NCOA2: variants seen among roughly 807,000 people sequenced by gnomAD.
NCOA2 encodes the protein nuclear receptor coactivator 2, also known as class E basic helix-loop-helix protein 75.
NCOA2 carries 21 observed loss-of-function variants against 145.1 expected under a neutral mutation model. The ratio of observed to expected loss-of-function variants is 0.14; its 90% confidence interval spans 0.10 to 0.21. NCOA2 has a LOEUF of 0.21. Among genes scored for constraint, NCOA2 ranks in the 10% least tolerant of loss-of-function variants. The probability of loss-of-function intolerance (pLI) is 1.00; values close to 1 mark genes in which losing one functional copy is unlikely to be tolerated. For missense variants in NCOA2, 1,472 were observed against 1,837.6 expected (o/e 0.80, Z 3.64); for synonymous variants, 619 against 637.5 (o/e 0.97, Z 0.44).
At chr8:70,348,061 C>T (rs959857917) in intron 1 of NCOA2, among the ~76,000 whole-genome samples, 1 of 152,160 alleles carries the variant, frequency 6.6e-6, no homozygotes, top group African/African-American at 2.4e-5. Context: ...AGTTCCTACC[C>T]CCCAGGGGCT....
At chr8:70,414,390 C>T in the NCOA2 span, among the ~76,000 whole-genome samples, 4 of 152,092 alleles carry the variant, frequency 2.6e-5, no homozygotes, top group Non-Finnish European at 5.9e-5. Context: ...ATCACCATTG[C>T]CTCATATGTG....
At chr8:70,264,207 C>T (rs1360422898) in intron 2 of NCOA2, among the ~76,000 whole-genome samples, 3 of 149,452 alleles carry the variant, frequency 2.0e-5, no homozygotes, top group East Asian at 2.0e-4. Flanking sequence ...AAGAGTGAAA[C>T]TCTGTCTCAA....
At chr8:70,316,210 G>A (rs935800774) in intron 1 of NCOA2, among the ~76,000 whole-genome samples, 8 of 152,154 alleles carry the variant, frequency 5.3e-5, no homozygotes, top group African/African-American at 1.2e-4. Flanking sequence ...TAAGAGTCTC[G>A]TTTCCTCTCG....
chr8:70,330,243 G>T (rs1009193187), intron 1 of NCOA2, among the ~76,000 whole-genome samples: 10 of 150,596 alleles, frequency 6.6e-5, no homozygotes, highest in South Asian at 2.1e-4. Context: ...TGATGATCTG[G>T]TTTCTTATTT....
At chr8:70,287,484 C>G (rs946149589) in intron 2 of NCOA2, among the ~76,000 whole-genome samples, 2 of 152,062 alleles carry the variant, frequency 1.3e-5, no homozygotes, top group African/African-American at 4.8e-5. Flanking sequence ...TTCTAAATTA[C>G]TTTTTAAGAA....
the NCOA2 span, among the ~76,000 whole-genome samples, chr8:70,428,072 A>G: frequency 1.3e-5 from 2 of 152,306 alleles, no homozygotes; most frequent in East Asian, 1.9e-4. Context: ...TGACATACAA[A>G]TAAGGAAAAA....
At chr8:70,140,961 T>G (rs1464513204) in intron 14 of NCOA2, among the ~76,000 whole-genome samples, 2 of 152,132 alleles carry the variant, frequency 1.3e-5, no homozygotes, top group African/African-American at 4.8e-5. Flanking sequence ...TTAGGTAATT[T>G]AGTAAAAATA....
intron 1 of NCOA2, among the ~76,000 whole-genome samples, chr8:70,344,376 T>C (rs538612583): frequency 6.6e-6 from 1 of 152,352 alleles, no homozygotes; most frequent in African/African-American, 2.4e-5. Flanking sequence ...CACAGAGCTA[T>C]AACAGCAAGC....
intron 1 of NCOA2, among the ~76,000 whole-genome samples, chr8:70,391,939 G>A (rs1342296118): frequency 6.6e-6 from 1 of 152,172 alleles, no homozygotes. Context: ...TTAAGACAAT[G>A]CACTTTATGG....
chr8:70,171,146 T>G (rs1814208284), intron 5 of NCOA2, among the ~76,000 whole-genome samples: 1 of 152,224 alleles, frequency 6.6e-6, no homozygotes, highest in African/African-American at 2.4e-5. Context: ...ACAGCCTCAC[T>G]TTTTGTTGTC....
Position 70,131,845 on chromosome 8 carries a change from C to T in NCOA2, c.3316G>A (p.Val1106Ile), listed in dbSNP as rs746649213. 1 of 1,590,036 alleles carries T rather than the reference C, an allele frequency of 6.3e-7. No homozygotes were observed. Residue 1106 changes from valine (V) to isoleucine (I), a missense_variant, in exon 16 of 23, where the codon GTC (valine) becomes ATC (isoleucine). By Grantham distance (29) the Val-to-Ile change is conservative. Around this residue, in one of 4 missense-constraint regions of NCOA2, gnomAD observed 953 missense variants for 1,062.1 expected, o/e 0.90. Coordinates refer to ENST00000452400, the MANE Select transcript of NCOA2 (RefSeq NM_006540.4). Reference sequence around the variant, plus strand: ...TGCCCTTCCGCGCATACCTGGCTGACCAGTTCGGGTATTCCTAAGGCTCTA... The same window carrying T: ...TGCCCTTCCGCGCATACCTGGCTGATCAGTTCGGGTATTCCTAAGGCTCTA... ...IDRALGIPEL[V>I]SQSQAVDPEQ...
At chr8:70,424,576 A>C in the NCOA2 span, 3 of 505,060 alleles carry the variant, frequency 5.9e-6, no homozygotes, top group Non-Finnish European at 1.2e-5. Context: ...ACAAGAGATA[A>C]GGCAGCAGCA....
chr8:70,453,250 C>T, the NCOA2 span, among the ~76,000 whole-genome samples: 1 of 152,172 alleles, frequency 6.6e-6, no homozygotes, highest in Non-Finnish European at 1.5e-5. Context: ...TCTACCTTCC[C>T]CTTACCCTGG....
chr8:70,240,746 A>C (rs1283935761), intron 2 of NCOA2, among the ~76,000 whole-genome samples: 1 of 152,198 alleles, frequency 6.6e-6, no homozygotes, highest in Non-Finnish European at 1.5e-5. Context: ...ACAGAAATAC[A>C]CATAAGGTTA....
Position 70,313,523 on chromosome 8 carries a change from G to C in NCOA2, c.-76-16723C>G, listed in dbSNP as rs181354265. On this transcript the variant is annotated intron_variant, in intron 1 of 22. Coordinates refer to ENST00000452400, the MANE Select transcript of NCOA2 (RefSeq NM_006540.4). ...TAGTGGTAACTCGGGAAGCTGAAAA[G>C]AGTTATTTTGAGAAAATAAGAAATT... Among the ~76,000 whole-genome samples the C allele has an allele frequency of 3.9e-5, 6 of 152,172 alleles. No homozygotes were observed. The East Asian group carries it at 9.7e-4, about 25-fold the overall frequency.
chr8:70,229,077 G>C (rs1820912601), intron 2 of NCOA2, among the ~76,000 whole-genome samples: 1 of 152,076 alleles, frequency 6.6e-6, no homozygotes, highest in African/African-American at 2.4e-5. Context: ...TGTTATATAT[G>C]GTTAAGTTTC....
At chr8:70,125,290 C>T (rs1207925405) in intron 19 of NCOA2, among the ~76,000 whole-genome samples, 1 of 152,122 alleles carries the variant, frequency 6.6e-6, no homozygotes, top group African/African-American at 2.4e-5. Context: ...TAGGGTCTTG[C>T]TTGCTCTGTT....
chr8:70,452,167 G>A, the NCOA2 span, among the ~76,000 whole-genome samples: 2 of 152,134 alleles, frequency 1.3e-5, no homozygotes, highest in Non-Finnish European at 2.9e-5. Context: ...GTAGACATGG[G>A]GTTTCACCAT....
rs183952889 is a variant in NCOA2, at chr8:70,277,000, T to G, written c.-20+19744A>C. On this transcript the variant is annotated intron_variant, in intron 2 of 22. Coordinates refer to ENST00000452400, the MANE Select transcript of NCOA2 (RefSeq NM_006540.4). ...GTAAGTATACTAAAGCACAAATACT[T>G]TCTCTTAAAAAACAATTTCTAAGAC... 1.1e-3 allele frequency among the ~76,000 whole-genome samples: 167 copies of G among 152,340 alleles called. 1 individual carries two copies. The highest frequency in any genetic ancestry group is 3.8e-3 in the African/African-American group (160 of 41,590).
Sources: gnomAD v4.1 joint callset for allele counts (sites outside exome capture counted in the v4.1 genomes callset) on GRCh38, gnomAD v4.1.1 for gene constraint, gnomAD v4.1.1 regional missense constraint, MANE v1.5 for transcripts, NCBI Gene and HGNC (gene_info 2026-07-23, HGNC 2026-07-21) for gene names.